The following LCOR variants were observed in gnomAD, a reference collection of about 807,000 sequenced individuals.
LCOR encodes the protein ligand dependent nuclear receptor corepressor.
A neutral mutation model predicts 64.4 loss-of-function variants in LCOR; 14 were observed. The observed-to-expected ratio is 0.22, with a 90% CI of 0.14 to 0.34. The LOEUF is 0.34. LCOR is among the 10% of genes least tolerant of loss of function. The pLI is 1.00. For missense variants in LCOR, 1,686 were observed against 1,765.3 expected (o/e 0.96, Z 0.80); for synonymous variants, 643 against 642.5 (o/e 1.00, Z -0.01).
chr10:96,875,949 C>G (rs1222067121), intron 2 of LCOR, among the ~76,000 whole-genome samples: 1 of 151,536 alleles, frequency 6.6e-6, no homozygotes, highest in African/African-American at 2.4e-5. Context: ...ATCCCAGATT[C>G]TACTGGTAAA....
intron 7 of LCOR, among the ~76,000 whole-genome samples, chr10:96,954,535 T>A (rs1458378650): frequency 6.6e-6 from 1 of 152,214 alleles, no homozygotes; most frequent in Admixed American, 6.5e-5. Context: ...TAATTTGGCT[T>A]ACTCTTTTAT....
At chr10:96,885,427 G>A (rs1193792816) in intron 2 of LCOR, among the ~76,000 whole-genome samples, 1 of 151,956 alleles carries the variant, frequency 6.6e-6, no homozygotes, top group Non-Finnish European at 1.5e-5. Flanking sequence ...TGTTTCCCAG[G>A]CTGGAGTGCA....
intron 2 of LCOR, among the ~76,000 whole-genome samples, chr10:96,893,209 C>G (rs143476508): frequency 1.3e-5 from 2 of 152,116 alleles, no homozygotes; most frequent in Non-Finnish European, 2.9e-5. Flanking sequence ...AGCTCTCCCC[C>G]CTCCAATAAA....
rs937477162 is a variant in LCOR, at chr10:96,993,940, C to T, written c.*8806C>T. 9 of 152,012 alleles carry T rather than the reference C, an allele frequency of 5.9e-5. No individual in the cohort carries two copies. The highest frequency in any genetic ancestry group is 1.3e-4 in the Non-Finnish European group (9 of 67,998). 9.4% of individuals were successfully genotyped at this position (152,012 alleles called of 1,614,324 possible). A position where few individuals can be genotyped will look rare whatever the true frequency, so the allele number is the denominator to read the frequency against. On this transcript the variant is annotated 3_prime_UTR_variant, in exon 8 of 8. Coordinates refer to ENST00000421806, the MANE Select transcript of LCOR (RefSeq NM_001346516.2). ...CTCAGAGGATAGGGTGGGGGTAGAA[C>T]AGCTCTTGCTAAGACCTCTTGCCTT... is the stretch of plus-strand genomic sequence containing the variant.
At chr10:96,912,279 T>C (rs1391281945) in intron 4 of LCOR, among the ~76,000 whole-genome samples, 2 of 152,218 alleles carry the variant, frequency 1.3e-5, no homozygotes, top group African/African-American at 4.8e-5. Flanking sequence ...ATTTTAGCCT[T>C]ATAAAGCAAT....
rs898929789 is a variant in LCOR, at chr10:96,994,055, T to C, written c.*8921T>C. ...GAACTCTAGCAATGGATGAGAAATC[T>C]GCCAGCACCAGACACATCAAAATTG... is the stretch of plus-strand genomic sequence containing the variant. On this transcript the variant is annotated 3_prime_UTR_variant, in exon 8 of 8. Transcript: ENST00000421806. 1 of 152,156 alleles carries C rather than the reference T, an allele frequency of 6.6e-6. No homozygotes were observed. The highest frequency in any genetic ancestry group is 6.5e-5 in the Admixed American group (1 of 15,276). The allele number at this position is 152,156 out of a possible 1,614,324, so 9.4% of individuals were successfully genotyped here.
At chr10:96,876,738 A>G (rs1015450515) in intron 2 of LCOR, among the ~76,000 whole-genome samples, 10 of 152,040 alleles carry the variant, frequency 6.6e-5, no homozygotes, top group African/African-American at 2.4e-4. Context: ...TGCCCAGGCT[A>G]GAGTGCAGTG....
intron 4 of LCOR, among the ~76,000 whole-genome samples, chr10:96,920,026 G>A (rs1437509028): frequency 6.6e-6 from 1 of 152,078 alleles, no homozygotes; most frequent in Non-Finnish European, 1.5e-5. Context: ...GGAATTGTTG[G>A]ATCATATGGT....
Position 96,915,640 on chromosome 10 carries a change from T to C in LCOR, c.-184+7893T>C, listed in dbSNP as rs115519214. The C allele has an allele frequency of 4.8e-4, 424 of 887,420 alleles. No individual in the cohort carries two copies. The African/African-American group carries it at 6.3e-3, about 13-fold the overall frequency. The allele number at this position is 887,420 out of a possible 1,614,324, so 55.0% of individuals were successfully genotyped here. A position where few individuals can be genotyped will look rare whatever the true frequency, so the allele number is the denominator to read the frequency against. ...AAAAATGCACACACTTCACTCGGCATCTGCAGCACCTTCAGCTTTCTGTGC... is the reference window on the plus strand; with the variant it reads ...AAAAATGCACACACTTCACTCGGCACCTGCAGCACCTTCAGCTTTCTGTGC... On this transcript the variant is annotated intron_variant, in intron 4 of 7. Coordinates refer to ENST00000421806, the MANE Select transcript of LCOR (RefSeq NM_001346516.2).
intron 2 of LCOR, among the ~76,000 whole-genome samples, chr10:96,857,856 C>T (rs941279999): frequency 1.3e-5 from 2 of 152,142 alleles, no homozygotes; most frequent in African/African-American, 4.8e-5. Context: ...TATCTGATCC[C>T]AGGCTATTGC....
chr10:96,984,386 T>G lies in LCOR; in HGVS notation c.3926T>G (p.Ile1309Ser). The G allele has an allele frequency of 6.2e-7, 1 of 1,614,198 alleles. No individual in the cohort carries two copies. Residue 1309 changes from isoleucine (I) to serine (S), a missense_variant, in exon 8 of 8, where the codon ATT becomes AGT. Transcript: ENST00000421806. ...ANLPTPASTRILRKYSNIRGK... is the reference protein window; with the variant it reads ...ANLPTPASTRSLRKYSNIRGK... ...CTGCCCACTCCAGCCAGTACCCGGA[T>G]TCTTAGAAAATATTCCAATATTCGA...
chr10:96,976,990 C>T (rs1368590870), intron 7 of LCOR, among the ~76,000 whole-genome samples: 3 of 152,196 alleles, frequency 2.0e-5, no homozygotes, highest in African/African-American at 4.8e-5. Context: ...CTTCACTGAC[C>T]TTTGTCATCC....
chr10:96,980,021 G>C (rs1313912055), intron 7 of LCOR, among the ~76,000 whole-genome samples: 1 of 152,204 alleles, frequency 6.6e-6, no homozygotes, highest in Admixed American at 6.5e-5. Flanking sequence ...GCGTGCGCCT[G>C]TAGTTCCAGC....
At chr10:96,956,774 A>C (rs991732875) in intron 7 of LCOR, 1 of 985,710 alleles carries the variant, frequency 1.0e-6, no homozygotes, top group African/African-American at 1.7e-5. Flanking sequence ...ACATTACATA[A>C]AACAATGGAG....
intron 2 of LCOR, among the ~76,000 whole-genome samples, chr10:96,889,290 A>G (rs1010450772): frequency 1.3e-5 from 2 of 152,106 alleles, no homozygotes; most frequent in Admixed American, 6.6e-5. Context: ...AAGTTCATCC[A>G]TGTTGTACGT....
chr10:96,951,396 T>C (rs1186820790), intron 6 of LCOR, among the ~76,000 whole-genome samples: 1 of 152,146 alleles, frequency 6.6e-6, no homozygotes, highest in Non-Finnish European at 1.5e-5. Context: ...TTTTATTGTC[T>C]TCTTAATTGA....
chr10:96,953,628 C>T (rs1442297314), intron 7 of LCOR, among the ~76,000 whole-genome samples: 3 of 152,156 alleles, frequency 2.0e-5, no homozygotes, highest in Non-Finnish European at 4.4e-5. Flanking sequence ...GTGCAGTTTG[C>T]ATAAACAAAT....
chr10:96,957,303 C>T, intron 7 of LCOR: 1 of 984,958 alleles, frequency 1.0e-6, no homozygotes, highest in Non-Finnish European at 1.2e-6. Flanking sequence ...AGTTCAGGAC[C>T]TTTGAGATCA....
intron 5 of LCOR, among the ~76,000 whole-genome samples, chr10:96,948,387 T>C (rs960167513): frequency 2.6e-5 from 4 of 152,172 alleles, no homozygotes; most frequent in African/African-American, 9.7e-5. Context: ...TGCCAGTTCT[T>C]GAGCCCACCC....
Sources: allele counts gnomAD v4.1 joint callset (sites outside exome capture counted in the v4.1 genomes callset), GRCh38; gene constraint gnomAD v4.1.1; transcripts MANE v1.5; gene names NCBI Gene and HGNC (gene_info 2026-07-23, HGNC 2026-07-21).